OCA2: variants seen among roughly 807,000 people sequenced by gnomAD.
OCA2 encodes the protein P protein.
OCA2 carries 77 observed loss-of-function variants against 100.2 expected under a neutral mutation model. The ratio of observed to expected loss-of-function variants is 0.77; its 90% confidence interval spans 0.64 to 0.93. OCA2 has a LOEUF of 0.93. OCA2 is among the 40% of genes least tolerant of loss of function. The probability of loss-of-function intolerance (pLI) is 0.00; values close to 1 mark genes in which losing one functional copy is unlikely to be tolerated. For synonymous variants in OCA2, 432 were observed against 439.2 expected (o/e 0.98, Z 0.21); for missense variants, 1,062 against 1,089.1 (o/e 0.98, Z 0.35).
At chr15:27,832,076 C>T (rs1267034646) in intron 23 of OCA2, among the ~76,000 whole-genome samples, 1 of 152,134 alleles carries the variant, frequency 6.6e-6, no homozygotes, top group African/African-American at 2.4e-5. Flanking sequence ...ATCCAACGTC[C>T]CTCATGCAGC....
intron 23 of OCA2, among the ~76,000 whole-genome samples, chr15:27,831,306 A>AAAAAAAAAAAAAAAAC (rs398026675): frequency 6.6e-6 from 1 of 150,924 alleles, no homozygotes; most frequent in Non-Finnish European, 1.5e-5. Flanking sequence ...AAAAAAAAAA[A>AAAAAAAAAAAAAAAAC]TCGGTCTGAG....
the OCA2 span, among the ~76,000 whole-genome samples, chr15:27,741,553 G>C: frequency 5.4e-4 from 82 of 152,306 alleles, no homozygotes; most frequent in African/African-American, 1.7e-3. Context: ...GTACGGTTGG[G>C]CAAGTCAAGT....
chr15:28,056,921 G>A (rs1388658769), intron 2 of OCA2, among the ~76,000 whole-genome samples: 1 of 152,232 alleles, frequency 6.6e-6, no homozygotes, highest in Admixed American at 6.5e-5. Flanking sequence ...CCAGCTGCCT[G>A]CCCCCTGCCT....
At chr15:28,056,303 C>G (rs2043693697) in intron 2 of OCA2, among the ~76,000 whole-genome samples, 2 of 152,208 alleles carry the variant, frequency 1.3e-5, no homozygotes, top group South Asian at 2.1e-4. Context: ...CTGACAGGAG[C>G]CTCTCTTCTT....
chr15:28,082,795 C>A (rs774600681), intron 1 of OCA2, among the ~76,000 whole-genome samples: 21 of 152,104 alleles, frequency 1.4e-4, no homozygotes, highest in Non-Finnish European at 2.8e-4. Context: ...ATGATTTTCA[C>A]ATTTTTTGCA....
At chr15:27,980,009 T>A (rs1300938868) in intron 14 of OCA2, among the ~76,000 whole-genome samples, 1 of 147,788 alleles carries the variant, frequency 6.8e-6, no homozygotes, top group Non-Finnish European at 1.5e-5. Flanking sequence ...CCACCGCACC[T>A]GACACATTAA....
At chr15:27,793,606 C>T (rs1004615382) in intron 23 of OCA2, among the ~76,000 whole-genome samples, 2 of 152,162 alleles carry the variant, frequency 1.3e-5, no homozygotes, top group African/African-American at 2.4e-5. Context: ...AAATTGCCTC[C>T]GGCACCGTAG....
intron 19 of OCA2, among the ~76,000 whole-genome samples, chr15:27,917,308 T>C (rs990521355): frequency 1.3e-5 from 2 of 152,164 alleles, no homozygotes; most frequent in African/African-American, 2.4e-5. Context: ...GCGTGATTAA[T>C]ATTAATAGAC....
the OCA2 span, among the ~76,000 whole-genome samples, chr15:27,749,511 ATATT>A: frequency 6.6e-6 from 1 of 152,178 alleles, no homozygotes; most frequent in Non-Finnish European, 1.5e-5. Flanking sequence ...CAAAAAATAT[ATATT>A]AAAGGCATAA....
intron 23 of OCA2, among the ~76,000 whole-genome samples, chr15:27,796,015 T>C (rs2033313945): frequency 2.0e-5 from 3 of 152,114 alleles, no homozygotes; most frequent in Non-Finnish European, 4.4e-5. Flanking sequence ...AGCAGCATCA[T>C]AATTGAGTTT....
chr15:27,748,196 G>C, the OCA2 span, among the ~76,000 whole-genome samples: 1 of 152,184 alleles, frequency 6.6e-6, no homozygotes. Flanking sequence ...CAGTGAGCCT[G>C]ATGAATCCCT....
At chr15:28,068,292 C>T (rs1327348967) in intron 2 of OCA2, among the ~76,000 whole-genome samples, 1 of 152,124 alleles carries the variant, frequency 6.6e-6, no homozygotes, top group African/African-American at 2.4e-5. Context: ...ACTGATCCCA[C>T]AGGATTATAA....
intron 20 of OCA2, 30 bp downstream of exon 20, chr15:27,871,833 G>A: frequency 5.7e-6 from 8 of 1,403,764 alleles, no homozygotes; most frequent in African/African-American, 1.4e-5. Context: ...ACAGTGGCTG[G>A]AGTGCCTTCT....
At chr15:27,797,012 A>G (rs1234592479) in intron 23 of OCA2, among the ~76,000 whole-genome samples, 1 of 152,156 alleles carries the variant, frequency 6.6e-6, no homozygotes, top group Non-Finnish European at 1.5e-5. Flanking sequence ...ACGCAGGTAC[A>G]GTCACTGTCA....
At chr15:27,914,043 T>C (rs1367560623) in intron 19 of OCA2, among the ~76,000 whole-genome samples, 1 of 152,078 alleles carries the variant, frequency 6.6e-6, no homozygotes, top group Admixed American at 6.6e-5. Context: ...TAATCCACTA[T>C]GATTAGGCTC....
intron 15 of OCA2, among the ~76,000 whole-genome samples, chr15:27,964,990 G>T (rs573088760): frequency 1.3e-5 from 2 of 152,180 alleles, no homozygotes; most frequent in African/African-American, 4.8e-5. Flanking sequence ...CTAAATCTGT[G>T]TATCCCAAAT....
chr15:28,009,613 A>G (rs112627104), intron 9 of OCA2, among the ~76,000 whole-genome samples: 1 of 151,858 alleles, frequency 6.6e-6, no homozygotes, highest in South Asian at 2.1e-4. Context: ...ACTTGAACCC[A>G]CAAGGCGCAG....
In OCA2 at chr15:27,955,148, A is replaced by C. The variant is rs2040177004; in HGVS notation, c.1842+10T>G. On this transcript the variant is annotated intron_variant, in intron 17 of 23. Coordinates refer to ENST00000354638, the MANE Select transcript of OCA2 (RefSeq NM_000275.3). Reference sequence around the variant, plus strand: ...GAATCAGAAATCCCTGAGGAAAGAAAGCTGGGTACCTTTTTTTGGAGTTCT... The same window carrying C: ...GAATCAGAAATCCCTGAGGAAAGAACGCTGGGTACCTTTTTTTGGAGTTCT... 1.2e-6 allele frequency: 2 copies of C among 1,602,032 alleles called. No individual in the cohort carries two copies. Among genetic ancestry groups the C allele is most frequent in the Non-Finnish European group, 1.7e-6 (2 of 1,169,012 alleles).
intron 19 of OCA2, among the ~76,000 whole-genome samples, chr15:27,910,976 AAAAAG>A (rs1197569193): frequency 6.7e-6 from 1 of 150,370 alleles, no homozygotes; most frequent in African/African-American, 2.4e-5. Flanking sequence ...AAGAAAGAAA[AAAAAG>A]AAAAGAAAAG....
Sources: gnomAD v4.1 joint callset for allele counts (sites outside exome capture counted in the v4.1 genomes callset) on GRCh38, gnomAD v4.1.1 for gene constraint, MANE v1.5 for transcripts, NCBI Gene and HGNC (gene_info 2026-07-23, HGNC 2026-07-21) for gene names.